Variants in STK32B observed in about 807,000 individuals in gnomAD.
STK32B encodes serine/threonine kinase 32B, also known as serine/threonine-protein kinase 32B.
Under a neutral mutation model 52.6 loss-of-function variants are expected in STK32B, and 43 were observed. The ratio of observed to expected loss-of-function variants is 0.82; its 90% CI spans 0.64 to 1.05. The LOEUF is 1.05. Among genes scored for constraint, STK32B ranks in the 50% least tolerant of loss-of-function variants. STK32B has a pLI of 0.00. For missense variants in STK32B, 621 were observed against 534.6 expected (o/e 1.16, Z -1.59); for synonymous variants, 238 against 204.3 (o/e 1.17, Z -1.41).
At chr4:5,186,390 G>A (rs1720738976) in intron 3 of STK32B, among the ~76,000 whole-genome samples, 1 of 152,158 alleles carries the variant, frequency 6.6e-6, no homozygotes, top group South Asian at 2.1e-4. Flanking sequence ...AATTTATGTA[G>A]TGCTGTTAAG....
intron 1 of STK32B, among the ~76,000 whole-genome samples, chr4:5,094,973 TG>T (rs2108787186): frequency 6.6e-6 from 1 of 152,330 alleles, no homozygotes; most frequent in Admixed American, 6.5e-5. Context: ...CCCTGGGCAC[TG>T]TGGGCTCAGA....
At chr4:5,189,102 A>G (rs1720981044) in intron 3 of STK32B, among the ~76,000 whole-genome samples, 1 of 152,084 alleles carries the variant, frequency 6.6e-6, no homozygotes, top group Non-Finnish European at 1.5e-5. Flanking sequence ...CCCATGCAGC[A>G]CTTCCCCCAC....
intron 3 of STK32B, among the ~76,000 whole-genome samples, chr4:5,291,878 CTGGGGATACG>C (rs1159768172): frequency 1.3e-5 from 2 of 151,826 alleles, no homozygotes; most frequent in African/African-American, 4.8e-5. Context: ...TCTTTTGATT[CTGGGGATACG>C]TGTGCAGGTT....
At chr4:5,270,711 G>T (rs1727368426) in intron 3 of STK32B, among the ~76,000 whole-genome samples, 1 of 151,968 alleles carries the variant, frequency 6.6e-6, no homozygotes, top group South Asian at 2.1e-4. Flanking sequence ...TTTCTGTAAG[G>T]CAAGAAAAAG....
the STK32B span, among the ~76,000 whole-genome samples, chr4:5,025,182 C>G: frequency 6.6e-6 from 1 of 152,246 alleles, no homozygotes; most frequent in East Asian, 1.9e-4. Context: ...GGGCTGTTTC[C>G]CTGCCTCCCC....
chr4:5,190,515 T>C (rs1345965863), intron 3 of STK32B, among the ~76,000 whole-genome samples: 1 of 152,166 alleles, frequency 6.6e-6, no homozygotes, highest in African/African-American at 2.4e-5. Flanking sequence ...GGTTCATTTA[T>C]TCAACACATT....
chr4:5,482,259 G>C (rs368613384), intron 11 of STK32B, among the ~76,000 whole-genome samples: 1,721 of 151,960 alleles, frequency 0.011, 26 homozygotes, highest in African/African-American at 0.036. Context: ...CTTTTATTTC[G>C]TTGAGCAGTG....
chr4:5,302,822 T>G (rs1258705013), intron 3 of STK32B, among the ~76,000 whole-genome samples: 1 of 152,082 alleles, frequency 6.6e-6, no homozygotes, highest in African/African-American at 2.4e-5. Context: ...CCTCATAGCT[T>G]AGCTCCCACT....
chr4:5,352,428 A>T (rs1025796899), intron 4 of STK32B, among the ~76,000 whole-genome samples: 1 of 152,046 alleles, frequency 6.6e-6, no homozygotes. Context: ...TAGACTAGGC[A>T]TAGAAGAAAC....
At position 5,438,314 on chromosome 4, in the gene STK32B, G is replaced by A. The variant is rs115024926; in HGVS notation, c.563-8359G>A. Reference sequence around the variant, plus strand: ...GTGGGATTCGGAATAGCACAGATCAGTGCCCAGCATGTACTAGGAAAGCAT... The same window carrying A: ...GTGGGATTCGGAATAGCACAGATCAATGCCCAGCATGTACTAGGAAAGCAT... On this transcript the variant is annotated intron_variant, in intron 6 of 11. Transcript: ENST00000282908. Among the ~76,000 whole-genome samples the A allele has an allele frequency of 7.8e-3, 1,194 of 152,324 alleles. 23 individuals carry two copies. Among genetic ancestry groups the A allele is most frequent in the African/African-American group, 0.027 (1,112 of 41,568 alleles).
rs1437742405 is a variant in STK32B, at chr4:5,297,758, C to G, written c.261-33462C>G. ...TTTAGCTTGGAGGAGTTTGTTATTA[C>G]CCACCTTCTGAAGCCTACTTCTGTC... is the stretch of plus-strand genomic sequence containing the variant. On this transcript the variant is annotated intron_variant, in intron 3 of 11. Transcript: ENST00000282908. Among the ~76,000 whole-genome samples, 3 of 151,698 alleles carry G rather than the reference C, an allele frequency of 2.0e-5. 1 individual carries two copies. Among genetic ancestry groups the G allele is most frequent in the Admixed American group, 2.0e-4 (3 of 15,218 alleles).
chr4:5,485,786 T>A (rs1719130066), intron 11 of STK32B, among the ~76,000 whole-genome samples: 1 of 152,234 alleles, frequency 6.6e-6, no homozygotes, highest in African/African-American at 2.4e-5. Flanking sequence ...ACTTTCTGTT[T>A]GTTAGTTTTC....
intron 3 of STK32B, among the ~76,000 whole-genome samples, chr4:5,327,073 C>T (rs1731926576): frequency 6.6e-6 from 1 of 152,068 alleles, no homozygotes; most frequent in African/African-American, 2.4e-5. Context: ...TTAGGGGAAA[C>T]AACTCAACTC....
intron 6 of STK32B, among the ~76,000 whole-genome samples, chr4:5,426,436 G>A (rs1713097950): frequency 6.6e-6 from 1 of 152,072 alleles, no homozygotes; most frequent in East Asian, 1.9e-4. Context: ...CGGGTGTGGT[G>A]GCTCATGCCT....
At chr4:5,404,930 C>T (rs1737559085) in intron 5 of STK32B, among the ~76,000 whole-genome samples, 1 of 145,298 alleles carries the variant, frequency 6.9e-6, no homozygotes. Flanking sequence ...GCGGCGGTGC[C>T]ATCTCGGCTC....
intron 3 of STK32B, among the ~76,000 whole-genome samples, chr4:5,261,789 A>G (rs377406229): frequency 5.9e-5 from 9 of 152,286 alleles, no homozygotes; most frequent in Non-Finnish European, 1.2e-4. Flanking sequence ...GACTACTACT[A>G]TTGCCAACAT....
chr4:5,304,617 G>T (rs1403909755), intron 3 of STK32B, among the ~76,000 whole-genome samples: 2 of 151,996 alleles, frequency 1.3e-5, no homozygotes, highest in African/African-American at 4.8e-5. Flanking sequence ...ATACAATCAT[G>T]TCATCAGCAA....
rs1413653259 is a variant in STK32B, at chr4:5,395,676, G to C, written c.435-2531G>C. ...AAAGGGGACACCCCCGTAAATGCTT[G>C]AGATTCCACTCTGTGCTAAGAGCCA... On this transcript the variant is annotated intron_variant, in intron 4 of 11. Transcript: ENST00000282908. This position sits in a 1 kb window ranked among gnomAD's most constrained non-coding sequence, Gnocchi z 4.4. 6.6e-6 allele frequency among the ~76,000 whole-genome samples: 1 copy of C among 152,222 alleles called. No homozygotes were observed. The highest frequency in any genetic ancestry group is 2.4e-5 in the African/African-American group (1 of 41,460).
chr4:5,146,303 C>T (rs544248037), intron 2 of STK32B, among the ~76,000 whole-genome samples: 3 of 151,994 alleles, frequency 2.0e-5, no homozygotes, highest in Non-Finnish European at 2.9e-5. Context: ...CTAGGGAAAC[C>T]GAAAATGCAG....
Sources: allele counts gnomAD v4.1 joint callset (sites outside exome capture counted in the v4.1 genomes callset), GRCh38; gene constraint gnomAD v4.1.1; non-coding constraint Gnocchi (gnomAD v3.1); transcripts MANE v1.5; gene names NCBI Gene and HGNC (gene_info 2026-07-23, HGNC 2026-07-21).